Variants in WDR86 observed in about 807,000 individuals in gnomAD.
WDR86 encodes WD repeat domain 86, also known as WD repeat-containing protein 86.
A neutral mutation model predicts 36.5 loss-of-function variants in WDR86; 30 were observed. The observed-to-expected ratio is 0.82, with a 90% CI of 0.61 to 1.11. WDR86 has a LOEUF of 1.11. Among genes scored for constraint, WDR86 ranks in the 50% most tolerant of loss-of-function variants. The pLI is 0.00. For missense variants in WDR86, 545 were observed against 561.2 expected (o/e 0.97, Z 0.29); for synonymous variants, 255 against 252.9 (o/e 1.01, Z -0.08).
At chr7:151,383,181 G>C (rs796904019) in intron 4 of WDR86, among the ~76,000 whole-genome samples, 39 of 150,910 alleles carry the variant, frequency 2.6e-4, no homozygotes, top group South Asian at 6.4e-4. Flanking sequence ...GGCGGGGTGG[G>C]GGGGGGGAGC....
intron 1 of WDR86, among the ~76,000 whole-genome samples, chr7:151,407,702 G>C (rs541893076): frequency 4.6e-5 from 7 of 152,168 alleles, no homozygotes; most frequent in Admixed American, 1.3e-4. Context: ...TTAGCTGGGC[G>C]TGGTGGCGAG....
At chr7:151,402,070 A>AAATAT in intron 1 of WDR86, among the ~76,000 whole-genome samples, 3 of 50,534 alleles carry the variant, frequency 5.9e-5, no homozygotes, top group African/African-American at 2.4e-4. Flanking sequence ...AAAAAAAAAA[A>AAATAT]ATATATATAT....
intron 1 of WDR86, among the ~76,000 whole-genome samples, chr7:151,403,452 G>A (rs1800477863): frequency 6.6e-6 from 1 of 152,162 alleles, no homozygotes; most frequent in Non-Finnish European, 1.5e-5. Flanking sequence ...CAGGGATTTA[G>A]AATTTCCTGG....
At chr7:151,376,402 A>C, downstream of WDR86, 1 of 536,910 alleles carries the variant, frequency 1.9e-6, no homozygotes, top group East Asian at 3.0e-5. Context: ...GCCCGAGGTC[A>C]CTGCCTGTCC....
At chr7:151,375,177 A>G (rs1798158060), downstream of WDR86, among the ~76,000 whole-genome samples, 7 of 152,230 alleles carry the variant, frequency 4.6e-5, no homozygotes, top group Admixed American at 4.6e-4. Context: ...TCCACAAGTC[A>G]GTACTTTTGT....
At chr7:151,379,906 C>T (rs999417692), downstream of WDR86, among the ~76,000 whole-genome samples, 5 of 152,186 alleles carry the variant, frequency 3.3e-5, no homozygotes, top group South Asian at 2.1e-4. Context: ...CAGGGCCGGC[C>T]GGCAGCACTG....
rs766139131 is a variant in WDR86 at position 151,400,159 on chromosome 7, C to T, written c.246G>A (p.Trp82Ter). 38 of 1,612,374 alleles carry T rather than the reference C, an allele frequency of 2.4e-5. No individual in the cohort carries two copies. The highest frequency in any genetic ancestry group is 3.3e-5 in the Admixed American group (2 of 59,842). Reference sequence around the variant, plus strand: ...GCAGACACTGCCCGGTCAGCACGTCCCACCTCCTGATGGTGCAGTCGGCGC... The same window carrying T: ...GCAGACACTGCCCGGTCAGCACGTCTCACCTCCTGATGGTGCAGTCGGCGC... ...TCSADCTIRR[W>*]DVLTGQCLQV... is the part of the protein sequence containing the mutation. Residue 82 changes from tryptophan to a stop codon, truncating the protein, a stop_gained, in exon 2 of 6, where the codon TGG (tryptophan) becomes TGA (stop). Coordinates refer to ENST00000334493, the MANE Select transcript of WDR86 (RefSeq NM_198285.3). LOFTEE classifies it high-confidence loss of function.
In WDR86 at chr7:151,381,711, G is replaced by A. The variant is rs912629506; in HGVS notation, c.1002C>T (p.Asp334=). Residue 334 remains aspartate (D), a synonymous_variant, in exon 6 of 6, where the codon GAC becomes GAT. Transcript: ENST00000334493. The surrounding 1 kb of genome is among the most constrained non-coding windows in gnomAD (Gnocchi z 4.8). ...GCACGTCCCAGAGGCGCAGGGCGCC[G>A]TCGTGCGAGGCGGTGTAGAGCACCT... is the stretch of plus-strand genomic sequence containing the variant. ...HGQVLYTASH[D]GALRLWDVRG... is the part of the protein sequence containing the mutation. 10 of 1,494,864 alleles carry A rather than the reference G, an allele frequency of 6.7e-6. No homozygotes were observed. In the Admixed American group the frequency reaches 9.7e-5, roughly 15 times the overall value. 92.6% of individuals were successfully genotyped at this position (1,494,864 alleles called of 1,614,324 possible). A position where few individuals can be genotyped will look rare whatever the true frequency, so the allele number is the denominator to read the frequency against.
downstream of WDR86, among the ~76,000 whole-genome samples, chr7:151,378,623 G>A (rs73727157): frequency 0.059 from 8,966 of 152,200 alleles, 306 homozygotes; most frequent in Middle Eastern, 0.088. Flanking sequence ...GAAAGATGCC[G>A]CACGCCAAGC....
rs868760778 is a variant in WDR86 at position 151,395,795 on chromosome 7, C to A, written c.707G>T (p.Gly236Val). ...EQLRVFREHR[G>V]SVICLELVNR... ...TCTCACCTCCAGACAGATGACGGAG[C>A]CCCGGTGCTCCCGGAACACCCGCAG... Residue 236 changes from glycine (G) to valine (V), a missense_variant, in exon 3 of 6, where the codon GGC (glycine) becomes GTC (valine). Gly to Val is a moderately radical substitution (Grantham distance 109). Transcript: ENST00000334493. 6.4e-7 allele frequency: 1 copy of A among 1,562,308 alleles called. No homozygotes were observed. The highest frequency in any genetic ancestry group is 1.2e-5 in the South Asian group (1 of 84,728).
At chr7:151,395,059 A>C (rs1459021555) in intron 3 of WDR86, among the ~76,000 whole-genome samples, 1 of 152,198 alleles carries the variant, frequency 6.6e-6, no homozygotes, top group Non-Finnish European at 1.5e-5. Context: ...AGGGGAGGCA[A>C]CGGAGACGGG....
In WDR86 at chr7:151,401,787, C is replaced by T. The variant is rs1321532429; in HGVS notation, c.164-1546G>A. Reference sequence around the variant, plus strand: ...GCAAGTGGCCAGGCGCGGTGGCTCACGCCTGTAATTCCAGCACTTTGGGAG... The same window carrying T: ...GCAAGTGGCCAGGCGCGGTGGCTCATGCCTGTAATTCCAGCACTTTGGGAG... On this transcript the variant is annotated intron_variant, in intron 1 of 5. Transcript: ENST00000334493. The surrounding 1 kb of genome is among the most constrained non-coding windows in gnomAD (Gnocchi z 4.3). Among the ~76,000 whole-genome samples, 2 of 151,850 alleles carry T rather than the reference C, an allele frequency of 1.3e-5. No individual in the cohort carries two copies. The highest frequency in any genetic ancestry group is 1.5e-5 in the Non-Finnish European group (1 of 67,994).
chr7:151,377,458 G>A (rs765825472), downstream of WDR86: 11 of 362,790 alleles, frequency 3.0e-5, no homozygotes, highest in South Asian at 1.9e-4. Context: ...CCAGGTCTGC[G>A]TCCCTAACCC....
downstream of WDR86, among the ~76,000 whole-genome samples, chr7:151,373,595 G>T (rs1798056466): frequency 6.6e-6 from 1 of 152,190 alleles, no homozygotes. Context: ...CCCAGGCTGT[G>T]GGGGGCGGGT....
At chr7:151,370,901 A>G in the WDR86 span, among the ~76,000 whole-genome samples, 2 of 152,114 alleles carry the variant, frequency 1.3e-5, no homozygotes, top group Non-Finnish European at 2.9e-5. Flanking sequence ...AGTTCTCATC[A>G]CTGTATAAGA....
At chr7:151,408,829 A>T (rs1356217618) in intron 1 of WDR86, 2 of 456,246 alleles carry the variant, frequency 4.4e-6, no homozygotes, top group Non-Finnish European at 9.2e-6. Flanking sequence ...GTTTACAGCA[A>T]TGAGAGGGCT....
In WDR86 at chr7:151,395,494, GACACACACACACACACACAC is replaced by G. The variant is rs57122668; in HGVS notation, c.726+262_726+281del. ...TGGTGTCCTTCTAAGAAGAGATTAGGACACACACACACACACACACACACACACACACACACACACACACG... is the reference window on the plus strand; with the variant it reads ...TGGTGTCCTTCTAAGAAGAGATTAGGACACACACACACACACACACACACG... On this transcript the variant is annotated intron_variant, in intron 3 of 5. Coordinates refer to ENST00000334493, the MANE Select transcript of WDR86 (RefSeq NM_198285.3). Among the ~76,000 whole-genome samples the G allele has an allele frequency of 5.2e-3, 763 of 146,884 alleles. 9 individuals carry two copies. The highest frequency in any genetic ancestry group is 0.018 in the African/African-American group (702 of 39,686).
chr7:151,371,566 G>C (rs1473586525), downstream of WDR86, among the ~76,000 whole-genome samples: 1 of 152,166 alleles, frequency 6.6e-6, no homozygotes, highest in Non-Finnish European at 1.5e-5. Flanking sequence ...GCCACCTGGG[G>C]AGCTGGAGCA....
intron 3 of WDR86, among the ~76,000 whole-genome samples, chr7:151,395,329 G>T (rs1157742167): frequency 2.0e-5 from 3 of 152,226 alleles, no homozygotes; most frequent in Non-Finnish European, 4.4e-5. Flanking sequence ...GTTATGGGCT[G>T]CATCATGCCC....
Sources: allele counts gnomAD v4.1 joint callset (sites outside exome capture counted in the v4.1 genomes callset), GRCh38; gene constraint gnomAD v4.1.1; non-coding constraint Gnocchi (gnomAD v3.1); transcripts MANE v1.5; gene names NCBI Gene and HGNC (gene_info 2026-07-23, HGNC 2026-07-21).